The following SMCR8 variants were observed in gnomAD, a reference collection of about 807,000 sequenced individuals.
SMCR8 encodes the protein SMCR8-C9orf72 complex subunit, also known as guanine nucleotide exchange protein SMCR8.
Under a neutral mutation model 56.6 loss-of-function variants are expected in SMCR8, and 30 were observed. The observed-to-expected ratio is 0.53, with a 90% confidence interval of 0.40 to 0.72. The LOEUF (loss-of-function observed/expected upper bound fraction) is 0.72, where lower values mean the gene tolerates loss of function less well. Ranked by LOEUF, SMCR8 falls within the 30% of genes least tolerant of loss-of-function variation. The probability of loss-of-function intolerance (pLI) is 0.00; values close to 1 mark genes in which losing one functional copy is unlikely to be tolerated. For synonymous variants in SMCR8, 538 were observed against 456.0 expected (o/e 1.18, Z -2.29); for missense variants, 1,198 against 1,157.0 (o/e 1.04, Z -0.51).
chr17:18,318,891 C>T (rs760958399), intron 1 of SMCR8, among the ~76,000 whole-genome samples: 1 of 152,220 alleles, frequency 6.6e-6, no homozygotes, highest in Non-Finnish European at 1.5e-5. Context: ...AGGCTGCTGT[C>T]CCTGTAAGTG....
chr17:18,323,325 G>A lies in SMCR8; in HGVS notation c.*255G>A, dbSNP rs1341644032. The A allele has an allele frequency of 8.4e-6, 4 of 474,942 alleles. No individual in the cohort carries two copies. In the East Asian group the frequency reaches 1.0e-4, roughly 12 times the overall value. The allele number at this position is 474,942 out of a possible 1,614,324, so 29.4% of individuals were successfully genotyped here. A position where few individuals can be genotyped will look rare whatever the true frequency, so the allele number is the denominator to read the frequency against. On this transcript the variant is annotated 3_prime_UTR_variant, in exon 2 of 2. Transcript: ENST00000406438. The stretch of plus-strand genomic sequence containing the variant: ...GAAGAGTGGCCCCTGGATATGGAGG[G>A]GGCCTTGGTTTTCTGAGGACTGGCA...
At chr17:18,318,230 A>C in intron 1 of SMCR8, 81 bp downstream of exon 1, 5 of 1,396,686 alleles carry the variant, frequency 3.6e-6, no homozygotes, top group Non-Finnish European at 3.9e-6. Flanking sequence ...AGAATCAGGA[A>C]GCCTGGCTTC....
At chr17:18,318,629 C>T (rs890077971) in intron 1 of SMCR8, among the ~76,000 whole-genome samples, 16 of 152,120 alleles carry the variant, frequency 1.1e-4, no homozygotes, top group African/African-American at 3.9e-4. Context: ...GTCTGGAACT[C>T]CTGACCTTAG....
rs1283633905 is a variant in SMCR8 at position 18,326,934 on chromosome 17, G to A, written c.*3864G>A. 2 of 152,578 alleles carry A rather than the reference G, an allele frequency of 1.3e-5. No individual in the cohort carries two copies. Among genetic ancestry groups the A allele is most frequent in the African/African-American group, 2.4e-5 (1 of 41,442 alleles). 9.5% of individuals were successfully genotyped at this position (152,578 alleles called of 1,614,324 possible). On this transcript the variant is annotated 3_prime_UTR_variant, in exon 2 of 2. Coordinates refer to ENST00000406438, the MANE Select transcript of SMCR8 (RefSeq NM_144775.3). ...TTGGGGGAACTGAGCCCCTATAGTGGGCAGTCTCCTTTACCTTCCCACCTC... is the reference window on the plus strand; with the variant it reads ...TTGGGGGAACTGAGCCCCTATAGTGAGCAGTCTCCTTTACCTTCCCACCTC...
At chr17:18,318,266 G>GT in intron 1 of SMCR8, 117 bp downstream of exon 1, 1 of 1,021,484 alleles carries the variant, frequency 9.8e-7, no homozygotes, top group South Asian at 1.6e-5. Context: ...TCCTACCACT[G>GT]TGTTACTTTT....
chr17:18,316,697 C>T lies in SMCR8; in HGVS notation c.908C>T (p.Thr303Ile). ...TDLYTCRPAY[T>I]PKLIKAKSTK... ...CTTTACACCTGCAGACCAGCCTACA[C>T]CCCAAAACTTATCAAAGCAAAGTCC... is the stretch of plus-strand genomic sequence containing the variant. Residue 303 changes from threonine (T) to isoleucine (I), a missense_variant, in exon 1 of 2, where the codon ACC (threonine) becomes ATC (isoleucine). Transcript: ENST00000406438. The T allele has an allele frequency of 6.2e-7, 1 of 1,614,186 alleles. No individual in the cohort carries two copies. The highest frequency in any genetic ancestry group is 8.5e-7 in the Non-Finnish European group (1 of 1,180,032).
rs1012962470 is a variant in SMCR8 at position 18,325,471 on chromosome 17, T to G, written c.*2401T>G. ...TGGTCTCCCTCAAGGTGGTTCTTCATTAAGTAAAGATGGCTTCGTGACTAG... is the reference window on the plus strand; with the variant it reads ...TGGTCTCCCTCAAGGTGGTTCTTCAGTAAGTAAAGATGGCTTCGTGACTAG... On this transcript the variant is annotated 3_prime_UTR_variant, in exon 2 of 2. Transcript: ENST00000406438. 2 of 152,264 alleles carry G rather than the reference T, an allele frequency of 1.3e-5. No individual in the cohort carries two copies. Among genetic ancestry groups the G allele is most frequent in the East Asian group, 3.8e-4 (2 of 5,198 alleles). The allele number at this position is 152,264 out of a possible 1,614,324, so 9.4% of individuals were successfully genotyped here.
chr17:18,317,069 T>G lies in SMCR8; in HGVS notation c.1280T>G (p.Ile427Ser). 1.2e-6 allele frequency: 2 copies of G among 1,614,100 alleles called. No individual in the cohort carries two copies. Among genetic ancestry groups the G allele is most frequent in the Non-Finnish European group, 1.7e-6 (2 of 1,180,030 alleles). ...AAGTCCAGTGTGGAGTCTGTGTTGA[T>G]CAAGATGGAGCAGGAACTGGGAGAT... ...SYKSSVESVLIKMEQELGDEE... is the reference protein window; with the variant it reads ...SYKSSVESVLSKMEQELGDEE... Residue 427 changes from isoleucine to serine, a missense_variant, in exon 1 of 2, where the codon ATC becomes AGC. Coordinates refer to ENST00000406438, the MANE Select transcript of SMCR8 (RefSeq NM_144775.3).
rs1982294437 is a variant in SMCR8, at chr17:18,316,548, C to G, written c.759C>G (p.Ile253Met). 6.2e-7 allele frequency: 1 copy of G among 1,614,038 alleles called. No individual in the cohort carries two copies. Among genetic ancestry groups the G allele is most frequent in the African/African-American group, 1.3e-5 (1 of 74,892 alleles). Residue 253 changes from isoleucine (I) to methionine (M), a missense_variant, in exon 1 of 2, where the codon ATC becomes ATG. By Grantham distance (10) the Ile-to-Met change is conservative (BLOSUM62 1). Transcript: ENST00000406438. Reference sequence around the variant, plus strand: ...AACATCAAGACCTGCTGAAGCAGATCCGCTCATACCCTCATCGGAAGTTGA... The same window carrying G: ...AACATCAAGACCTGCTGAAGCAGATGCGCTCATACCCTCATCGGAAGTTGA... ...IIEHQDLLKQ[I>M]RSYPHRKLKG...
rs1163939213 is a variant in SMCR8, at chr17:18,316,440, G to A, written c.651G>A (p.Lys217=). 2 of 1,614,166 alleles carry A rather than the reference G, an allele frequency of 1.2e-6. No individual in the cohort carries two copies. Among genetic ancestry groups the A allele is most frequent in the Middle Eastern group, 1.6e-4 (1 of 6,062 alleles). ...TVLHTETEIQ[K]KANDKGFYSS... ...TACACACAGAAACGGAGATCCAGAA[G>A]AAAGCCAACGACAAAGGCTTTTACT... The change falls in exon 1 of 2, where the codon AAG becomes AAA. Residue 217 remains lysine (K), a synonymous_variant. Coordinates refer to ENST00000406438, the MANE Select transcript of SMCR8 (RefSeq NM_144775.3).
Position 18,316,378 on chromosome 17 carries a change from A to C in SMCR8, c.589A>C (p.Lys197Gln). 6.2e-7 allele frequency: 1 copy of C among 1,614,156 alleles called. No homozygotes were observed. Among genetic ancestry groups the C allele is most frequent in the Non-Finnish European group, 8.5e-7 (1 of 1,180,022 alleles). The change falls in exon 1 of 2, where the codon AAA (lysine) becomes CAA (glutamine). Residue 197 changes from lysine (K) to glutamine (Q), a missense_variant. Lys to Gln is a moderately conservative substitution (Grantham distance 53). Coordinates refer to ENST00000406438, the MANE Select transcript of SMCR8 (RefSeq NM_144775.3). ...GAAGGCATTTGCTGGGGAACTTGAA[A>C]AAAAGCTGAAAGACTTGGATTACAC... ...NRKAFAGELE[K>Q]KLKDLDYTRT... is the part of the protein sequence containing the mutation.
chr17:18,322,473 T>C, intron 1 of SMCR8, 144 bp from the exon 2 acceptor site: 1 of 694,004 alleles, frequency 1.4e-6, no homozygotes, highest in Non-Finnish European at 2.4e-6. Context: ...AAGATTACAA[T>C]GATCAGATTT....
rs946620212 is a variant in SMCR8 at position 18,325,102 on chromosome 17, C to T, written c.*2032C>T. On this transcript the variant is annotated 3_prime_UTR_variant, in exon 2 of 2. Coordinates refer to ENST00000406438, the MANE Select transcript of SMCR8 (RefSeq NM_144775.3). ...GGCCTCCAAGGCCATAACTGTGCAA[C>T]ATTTTATCTGAGAAGGAAGGAAGGT... 2 of 152,226 alleles carry T rather than the reference C, an allele frequency of 1.3e-5. No homozygotes were observed. The highest frequency in any genetic ancestry group is 2.9e-5 in the Non-Finnish European group (2 of 68,058). The allele number at this position is 152,226 out of a possible 1,614,324, so 9.4% of individuals were successfully genotyped here.
At chr17:18,319,462 TC>T (rs2142993891) in intron 1 of SMCR8, among the ~76,000 whole-genome samples, 1 of 151,976 alleles carries the variant, frequency 6.6e-6, no homozygotes, top group East Asian at 1.9e-4. Flanking sequence ...CTTCCTATCC[TC>T]GGAGGTGTTG....
rs1386962859 is a variant in SMCR8 at position 18,316,776 on chromosome 17, A to G, written c.987A>G (p.Glu329=). ...CCTTGGAGGAGCTCTGTGACACTGA[A>G]TATTTCACCCAGACCCTGGCTCAGC... is the stretch of plus-strand genomic sequence containing the variant. ...LKTLEELCDT[E]YFTQTLAQLS... Residue 329 remains glutamate (E), a synonymous_variant, in exon 1 of 2, where the codon GAA becomes GAG. Transcript: ENST00000406438. The G allele has an allele frequency of 3.1e-6, 5 of 1,614,216 alleles. No homozygotes were observed. The highest frequency in any genetic ancestry group is 1.1e-5 in the South Asian group (1 of 91,090).
At position 18,317,395 on chromosome 17, in the gene SMCR8, A is replaced by C. The variant is rs772068664; in HGVS notation, c.1606A>C (p.Ser536Arg). 6.2e-7 allele frequency: 1 copy of C among 1,614,178 alleles called. No individual in the cohort carries two copies. The highest frequency in any genetic ancestry group is 1.3e-5 in the African/African-American group (1 of 75,056). ...CCTCATCCCTGATGACTTTAAGGCC[A>C]GCTACCCAAGTGCCATTAATGAAGA... The part of the protein sequence containing the change: ...EALIPDDFKA[S>R]YPSAINEEES... Residue 536 changes from serine to arginine, a missense_variant, in exon 1 of 2, where the codon AGC becomes CGC. Transcript: ENST00000406438.
chr17:18,322,623 C>T lies in SMCR8; in HGVS notation c.2367C>T (p.Ala789=), dbSNP rs1464443510. The part of the protein sequence containing the change: ...KWKLIGLQRV[A]SPAGAGTLHA... ...CTTGGCCTGTCTGTTTCAGAGTGGCCTCCCCTGCCGGTGCCGGTACCCTCC... is the reference window on the plus strand; with the variant it reads ...CTTGGCCTGTCTGTTTCAGAGTGGCTTCCCCTGCCGGTGCCGGTACCCTCC... The change falls in exon 2 of 2, where the codon GCC becomes GCT. Residue 789 remains alanine (A), a synonymous_variant. Coordinates refer to ENST00000406438, the MANE Select transcript of SMCR8 (RefSeq NM_144775.3). The T allele has an allele frequency of 6.2e-7, 1 of 1,612,694 alleles. No homozygotes were observed. Among genetic ancestry groups the T allele is most frequent in the Non-Finnish European group, 8.5e-7 (1 of 1,179,218 alleles).
chr17:18,319,926 G>C (rs1982447430), intron 1 of SMCR8, among the ~76,000 whole-genome samples: 1 of 152,164 alleles, frequency 6.6e-6, no homozygotes, highest in Non-Finnish European at 1.5e-5. Context: ...TCACCATGTT[G>C]GCCAGGCTGG....
At chr17:18,322,074 C>T (rs926618996) in intron 1 of SMCR8, among the ~76,000 whole-genome samples, 1 of 152,272 alleles carries the variant, frequency 6.6e-6, no homozygotes, top group African/African-American at 2.4e-5. Flanking sequence ...TGCAGTGGCA[C>T]GATTTTGGCT....
Sources: gnomAD v4.1 joint callset for allele counts (sites outside exome capture counted in the v4.1 genomes callset) on GRCh38, gnomAD v4.1.1 for gene constraint, MANE v1.5 for transcripts, NCBI Gene and HGNC (gene_info 2026-07-23, HGNC 2026-07-21) for gene names.